Variants in CCNH observed in about 807,000 individuals in gnomAD.
CCNH encodes the protein cyclin H, also known as cyclin-H.
In CCNH, 31 loss-of-function variants were observed where a neutral mutation model predicts 41.9. That is an observed-to-expected ratio of 0.74 (90% CI 0.56 to 1.00). The LOEUF is 1.00. Ranked by LOEUF, CCNH falls within the 50% of genes least tolerant of loss-of-function variation. The pLI, the probability that CCNH is intolerant of heterozygous loss-of-function variation, is 0.00. For missense variants in CCNH, 362 were observed against 388.4 expected (o/e 0.93, Z 0.57); for synonymous variants, 138 against 136.1 (o/e 1.01, Z -0.10).
In CCNH at chr5:87,409,301, G is replaced by A. The variant is rs1764037464; in HGVS notation, c.303C>T (p.Pro101=). Residue 101 remains proline, a synonymous_variant, in exon 3 of 9, where the codon CCC becomes CCT. Transcript: ENST00000256897. ...YLNNSVMEYH[P]RIIMLTCAFL... is the part of the protein sequence containing the mutation. ...ACAGACATACTCACATTATTATCCT[G>A]GGGTGATATTCCATTACTGAGTTAT... 6.5e-7 allele frequency: 1 copy of A among 1,545,272 alleles called. No homozygotes were observed. Among genetic ancestry groups the A allele is most frequent in the Non-Finnish European group, 8.9e-7 (1 of 1,118,996 alleles).
intron 9 of CCNH, among the ~76,000 whole-genome samples, chr5:87,351,918 T>C (rs1759308464): frequency 6.6e-6 from 1 of 151,812 alleles, no homozygotes; most frequent in Admixed American, 6.6e-5. Flanking sequence ...ATTTTACAGT[T>C]ACTGAGCCCA....
chr5:87,336,770 G>C (rs1758004402), intron 9 of CCNH, among the ~76,000 whole-genome samples: 1 of 151,994 alleles, frequency 6.6e-6, no homozygotes. Context: ...TTATTTAGGT[G>C]GTTCTAGAAA....
downstream of CCNH, chr5:87,374,787 G>T: frequency 6.3e-7 from 1 of 1,595,676 alleles, no homozygotes. Flanking sequence ...AAAGAAATAA[G>T]GTAGTTTGAT....
In CCNH at chr5:87,331,247, C is replaced by G. The variant is rs187755504; in HGVS notation, c.*91-12350G>C. 9.8e-6 allele frequency: 12 copies of G among 1,223,136 alleles called. No homozygotes were observed. In the African/African-American group the frequency reaches 1.8e-4, roughly 18 times the overall value. 75.8% of individuals were successfully genotyped at this position (1,223,136 alleles called of 1,614,324 possible). A position where few individuals can be genotyped will look rare whatever the true frequency, so the allele number is the denominator to read the frequency against. On this transcript the variant is annotated intron_variant and NMD_transcript_variant, in intron 9 of 9. Coordinates refer to the CCNH transcript ENST00000645953. ...GAGTAAAATGTAAATGTTTAAGTTACATGTAGGCATTTAAAACCTCTAGTA... is the reference window on the plus strand; with the variant it reads ...GAGTAAAATGTAAATGTTTAAGTTAGATGTAGGCATTTAAAACCTCTAGTA...
At chr5:87,322,310 A>T (rs1756882641) in intron 9 of CCNH, among the ~76,000 whole-genome samples, 1 of 152,180 alleles carries the variant, frequency 6.6e-6, no homozygotes, top group Middle Eastern at 3.2e-3. Flanking sequence ...GATCAGCAGC[A>T]GCATTAGATT....
At chr5:87,376,141 G>A, downstream of CCNH, 1 of 521,214 alleles carries the variant, frequency 1.9e-6, no homozygotes, top group Non-Finnish European at 3.4e-6. Context: ...TTGCCTTCTT[G>A]ACTAAACTGA....
chr5:87,408,313 G>A (rs1763954977), intron 3 of CCNH, 127 bp from the exon 4 acceptor site: 1 of 522,568 alleles, frequency 1.9e-6, no homozygotes, highest in Non-Finnish European at 3.3e-6. Flanking sequence ...ATATTCAAAA[G>A]CGACTGCTAG....
chr5:87,365,019 T>C (rs556207971), intron 9 of CCNH, among the ~76,000 whole-genome samples: 1 of 152,160 alleles, frequency 6.6e-6, no homozygotes, highest in Non-Finnish European at 1.5e-5. Context: ...TAAATGTAGT[T>C]TATTATCGTG....
chr5:87,316,530 A>G (rs906925112), downstream of CCNH, among the ~76,000 whole-genome samples: 1 of 152,154 alleles, frequency 6.6e-6, no homozygotes, highest in Non-Finnish European at 1.5e-5. Context: ...ATTTTATTTC[A>G]TGTGTCAGGA....
chr5:87,341,346 T>TG (rs1491194952), intron 9 of CCNH: 2 of 1,234,186 alleles, frequency 1.6e-6, no homozygotes, highest in Non-Finnish European at 2.0e-6. Context: ...ATTATTAAAA[T>TG]GAAAAAAAAA....
In CCNH at chr5:87,399,257, T is replaced by C. The variant is rs1389883455; in HGVS notation, c.872+137A>G. ...TATTACCTTAATCTCATTAGAAATG[T>C]CCATTCAATAAAGAAAATCTGATTT... On this transcript the variant is annotated intron_variant, in intron 7 of 8. Transcript: ENST00000256897. 6 of 679,946 alleles carry C rather than the reference T, an allele frequency of 8.8e-6. No individual in the cohort carries two copies. In the Admixed American group the frequency reaches 9.0e-5, roughly 10 times the overall value. 42.1% of individuals were successfully genotyped at this position (679,946 alleles called of 1,614,324 possible).
At chr5:87,325,638 G>C (rs1757174198) in intron 9 of CCNH, among the ~76,000 whole-genome samples, 1 of 152,184 alleles carries the variant, frequency 6.6e-6, no homozygotes, top group Admixed American at 6.5e-5. Context: ...GTGCCTGTCA[G>C]TAATATAACC....
rs1763204529 is a variant in CCNH at position 87,399,247 on chromosome 5, A to T, written c.872+147T>A. The stretch of plus-strand genomic sequence containing the variant: ...AATGCCGAACTATTACCTTAATCTC[A>T]TTAGAAATGTCCATTCAATAAAGAA... On this transcript the variant is annotated intron_variant, in intron 7 of 8. Coordinates refer to ENST00000256897, the MANE Select transcript of CCNH (RefSeq NM_001239.4). The T allele has an allele frequency of 7.6e-6, 5 of 662,230 alleles. No individual in the cohort carries two copies. The Admixed American group carries it at 9.5e-5, about 13-fold the overall frequency. 41.0% of individuals were successfully genotyped at this position (662,230 alleles called of 1,614,324 possible). A position where few individuals can be genotyped will look rare whatever the true frequency, so the allele number is the denominator to read the frequency against.
intron 9 of CCNH, among the ~76,000 whole-genome samples, chr5:87,371,165 C>T (rs1760911777): frequency 6.6e-6 from 1 of 152,116 alleles, no homozygotes. Context: ...GTTTTGCAAG[C>T]CTAACATAGA....
At chr5:87,353,755 C>T (rs1759451344) in intron 9 of CCNH, among the ~76,000 whole-genome samples, 1 of 152,006 alleles carries the variant, frequency 6.6e-6, no homozygotes, top group African/African-American at 2.4e-5. Flanking sequence ...CAATGTCTTA[C>T]AGACAGGGTC....
downstream of CCNH, chr5:87,318,415 T>C (rs1471371899): frequency 6.6e-6 from 1 of 152,126 alleles, no homozygotes; most frequent in Non-Finnish European, 1.5e-5. Context: ...TGAGACTGGG[T>C]AGTTTATAAA....
chr5:87,380,099 G>C (rs915919177), upstream of CCNH, among the ~76,000 whole-genome samples: 3 of 152,122 alleles, frequency 2.0e-5, no homozygotes, highest in African/African-American at 7.2e-5. Flanking sequence ...GAGGTTTATA[G>C]TTTCAGATTT....
At chr5:87,393,397 T>G (rs1159727047), downstream of CCNH, 2 of 152,194 alleles carry the variant, frequency 1.3e-5, no homozygotes, top group African/African-American at 2.4e-5. Flanking sequence ...GCAGGTACTA[T>G]TCTAATTAAT....
chr5:87,360,131 T>TTG (rs990969366), intron 9 of CCNH, among the ~76,000 whole-genome samples: 5 of 151,828 alleles, frequency 3.3e-5, no homozygotes, highest in African/African-American at 1.2e-4. Flanking sequence ...GCAGTTTTTT[T>TTG]TTTTTTTTTT....
Sources: gnomAD v4.1 joint callset for allele counts (sites outside exome capture counted in the v4.1 genomes callset) on GRCh38, gnomAD v4.1.1 for gene constraint, MANE v1.5 for transcripts, NCBI Gene and HGNC (gene_info 2026-07-23, HGNC 2026-07-21) for gene names.